Variants in LRP1B observed in about 807,000 individuals in gnomAD.
LRP1B encodes the protein low-density lipoprotein receptor-related protein 1B.
In LRP1B, 217 loss-of-function variants were observed where a neutral mutation model predicts 556.6. The ratio of observed to expected loss-of-function variants is 0.39; its 90% CI spans 0.35 to 0.44. The LOEUF is 0.44. Among genes scored for constraint, LRP1B ranks in the 20% least tolerant of loss-of-function variants. The pLI, the probability that LRP1B is intolerant of heterozygous loss-of-function variation, is 1.00. For missense variants in LRP1B, 5,053 were observed against 5,620.8 expected, an observed-to-expected ratio of 0.90 and a Z score of 3.23; for synonymous variants, 2,047 against 1,865.8, an observed-to-expected ratio of 1.10 and a Z score of -2.50.
At chr2:141,885,113 T>G (rs1415637390) in intron 1 of LRP1B, among the ~76,000 whole-genome samples, 1 of 152,216 alleles carries the variant, frequency 6.6e-6, no homozygotes, top group Admixed American at 6.5e-5. Flanking sequence ...GTGATGTGCT[T>G]ATGAAATATA....
intron 10 of LRP1B, 105 bp from the exon 11 acceptor site, chr2:141,049,327 A>C: frequency 1.3e-6 from 1 of 748,164 alleles, no homozygotes; most frequent in Non-Finnish European, 2.3e-6. Context: ...TTTAAATTCA[A>C]TGCTAAAAAT....
rs116344047 is a variant in LRP1B, at chr2:141,045,580, T to C, written c.1789+3406A>G. 6.6e-3 allele frequency among the ~76,000 whole-genome samples: 997 copies of C among 152,176 alleles called. 14 individuals are homozygous for C. The highest frequency in any genetic ancestry group is 0.023 in the African/African-American group (957 of 41,528). ...CCTCCTGTTGATACCCCTTTTATTTTCTAGCACAGTACCCTACTTTAGTTT... is the reference window on the plus strand; with the variant it reads ...CCTCCTGTTGATACCCCTTTTATTTCCTAGCACAGTACCCTACTTTAGTTT... On this transcript the variant is annotated intron_variant, in intron 11 of 90. Coordinates refer to ENST00000389484, the MANE Select transcript of LRP1B (RefSeq NM_018557.3).
chr2:140,571,744 C>G lies in LRP1B; in HGVS notation c.7194+26887G>C, dbSNP rs115722151. ...AACAAAGATAAAGACATCACAAAAC[C>G]TAACTTCAAAATATAGTTGTAAAAA... On this transcript the variant is annotated intron_variant, in intron 43 of 90. Coordinates refer to ENST00000389484, the MANE Select transcript of LRP1B (RefSeq NM_018557.3). 1.9e-3 allele frequency among the ~76,000 whole-genome samples: 284 copies of G among 151,558 alleles called. 3 individuals are homozygous for G. Among genetic ancestry groups the G allele is most frequent in the Admixed American group, 3.9e-3 (59 of 15,212 alleles).
intron 2 of LRP1B, among the ~76,000 whole-genome samples, chr2:141,570,325 G>A (rs114045280): frequency 2.6e-5 from 4 of 150,992 alleles, no homozygotes; most frequent in African/African-American, 7.2e-5. Flanking sequence ...CGGGGCAGGG[G>A]AACCCACTCC....
intron 1 of LRP1B, among the ~76,000 whole-genome samples, chr2:141,828,561 C>T (rs536976772): frequency 6.6e-6 from 1 of 152,196 alleles, no homozygotes; most frequent in African/African-American, 2.4e-5. Context: ...AGGGTGCTTC[C>T]TAAAATCATC....
At chr2:141,991,370 G>A (rs1459048622) in intron 1 of LRP1B, among the ~76,000 whole-genome samples, 4 of 151,986 alleles carry the variant, frequency 2.6e-5, no homozygotes, top group Non-Finnish European at 4.4e-5. Flanking sequence ...AAAATTCCAC[G>A]TTTTGTAATT....
At chr2:140,272,249 GCACACACAAACA>G (rs1433741370) in intron 85 of LRP1B, among the ~76,000 whole-genome samples, 2 of 72,828 alleles carry the variant, frequency 2.7e-5, no homozygotes, top group South Asian at 5.8e-4. Flanking sequence ...CAGCGTATGT[GCACACACAAACA>G]CACACACACA....
chr2:140,966,151 A>G (rs1696214463), intron 18 of LRP1B, among the ~76,000 whole-genome samples: 1 of 152,184 alleles, frequency 6.6e-6, no homozygotes, highest in Non-Finnish European at 1.5e-5. Flanking sequence ...CAATGGTTGA[A>G]CTAGTTTACA....
At chr2:141,616,243 C>G (rs1280981353) in intron 2 of LRP1B, among the ~76,000 whole-genome samples, 1 of 150,718 alleles carries the variant, frequency 6.6e-6, no homozygotes, top group African/African-American at 2.5e-5. Flanking sequence ...GATTGCACCA[C>G]TGCACTCCAG....
In LRP1B at chr2:140,883,994, T is replaced by C. The variant is rs371405988; in HGVS notation, c.3992A>G (p.Glu1331Gly). 3.1e-6 allele frequency: 5 copies of C among 1,612,694 alleles called. No homozygotes were observed. Among genetic ancestry groups the C allele is most frequent in the African/African-American group, 2.7e-5 (2 of 74,854 alleles). Reference sequence around the variant, plus strand: ...GCCTTCTGGAGTAGCCAGGCCATGCTCCACAACCACTTCAATGGCACTGAC... The same window carrying C: ...GCCTTCTGGAGTAGCCAGGCCATGCCCCACAACCACTTCAATGGCACTGAC... ...GGVSAIEVVV[E>G]HGLATPEGLT... The change falls in exon 25 of 91, where the codon GAG becomes GGG. Residue 1331 changes from glutamate to glycine, a missense_variant. Around this residue, in one of 5 missense-constraint regions of LRP1B, gnomAD observed 3,619 missense variants for 3,931.9 expected, o/e 0.92. Transcript: ENST00000389484.
chr2:141,192,388 G>A (rs1681553832), intron 6 of LRP1B, among the ~76,000 whole-genome samples: 1 of 151,804 alleles, frequency 6.6e-6, no homozygotes, highest in Non-Finnish European at 1.5e-5. Flanking sequence ...ACATTTTTAG[G>A]AGCGAAGTGA....
chr2:140,584,561 C>T (rs545993136), intron 43 of LRP1B, among the ~76,000 whole-genome samples: 1 of 152,132 alleles, frequency 6.6e-6, no homozygotes, highest in South Asian at 2.1e-4. Flanking sequence ...TAAATCAATC[C>T]ATCAGTATCA....
chr2:141,148,182 T>C (rs1701832808), intron 7 of LRP1B, among the ~76,000 whole-genome samples: 1 of 152,182 alleles, frequency 6.6e-6, no homozygotes, highest in South Asian at 2.1e-4. Flanking sequence ...TTGGGCCTTG[T>C]GGTTTCAGAG....
intron 60 of LRP1B, among the ~76,000 whole-genome samples, chr2:140,467,767 C>G (rs934703872): frequency 2.0e-4 from 30 of 152,060 alleles, no homozygotes; most frequent in Non-Finnish European, 3.1e-4. Context: ...AACTCAACAG[C>G]AATAAAATAG....
chr2:141,913,337 C>T (rs1157601033), intron 1 of LRP1B, among the ~76,000 whole-genome samples: 1 of 152,208 alleles, frequency 6.6e-6, no homozygotes, highest in Non-Finnish European at 1.5e-5. Context: ...CAGAAAAATT[C>T]ACGTATGTAG....
chr2:141,006,568 T>A (rs570738474), intron 14 of LRP1B, among the ~76,000 whole-genome samples: 1 of 152,138 alleles, frequency 6.6e-6, no homozygotes, highest in African/African-American at 2.4e-5. Context: ...TGTGCGAACA[T>A]CATAAAGCAT....
intron 41 of LRP1B, among the ~76,000 whole-genome samples, chr2:140,676,092 A>G (rs1249709447): frequency 6.6e-6 from 1 of 152,190 alleles, no homozygotes; most frequent in Non-Finnish European, 1.5e-5. Context: ...ATGTAAAACT[A>G]AGTACTTATT....
chr2:141,249,207 T>C (rs776815706), intron 4 of LRP1B, among the ~76,000 whole-genome samples: 6 of 152,086 alleles, frequency 3.9e-5, no homozygotes, highest in African/African-American at 9.7e-5. Flanking sequence ...ATTTTAAAAA[T>C]AGGAGAGGGA....
chr2:141,764,649 C>T (rs969978179), intron 2 of LRP1B, among the ~76,000 whole-genome samples: 7 of 152,012 alleles, frequency 4.6e-5, no homozygotes, highest in African/African-American at 1.7e-4. Flanking sequence ...GGATTTCCAG[C>T]TTCTAAAACT....
Sources: gnomAD v4.1 joint callset for allele counts (sites outside exome capture counted in the v4.1 genomes callset) on GRCh38, gnomAD v4.1.1 for gene constraint, gnomAD v4.1.1 regional missense constraint, MANE v1.5 for transcripts, NCBI Gene and HGNC (gene_info 2026-07-23, HGNC 2026-07-21) for gene names.